The following NAV2 variants were observed in gnomAD, a reference collection of about 807,000 sequenced individuals.
NAV2 encodes the protein helicase, APC down-regulated 1.
A neutral mutation model predicts 223.2 loss-of-function variants in NAV2; 54 were observed. That is an observed-to-expected ratio of 0.24 (90% CI 0.19 to 0.30). The LOEUF (loss-of-function observed/expected upper bound fraction) is 0.30. Among genes scored for constraint, NAV2 ranks in the 10% least tolerant of loss-of-function variants. The pLI is 1.00. For synonymous variants in NAV2, 1,279 were observed against 1,239.3 expected (o/e 1.03, Z -0.67); for missense variants, 2,806 against 3,147.5 (o/e 0.89, Z 2.60).
intron 1 of NAV2, among the ~76,000 whole-genome samples, chr11:19,428,828 G>A (rs1048927867): frequency 4.6e-5 from 7 of 152,192 alleles, no homozygotes; most frequent in African/African-American, 1.7e-4. Context: ...AGCTGATTGT[G>A]GGAAACTTCT....
intron 1 of NAV2, among the ~76,000 whole-genome samples, chr11:19,484,156 A>ACACC (rs2042368464): frequency 6.6e-6 from 1 of 151,344 alleles, no homozygotes; most frequent in Non-Finnish European, 1.5e-5. Context: ...ACACACACAC[A>ACACC]CACCCCAAGT....
At chr11:19,633,250 C>T (rs925980409) in intron 1 of NAV2, among the ~76,000 whole-genome samples, 2 of 152,194 alleles carry the variant, frequency 1.3e-5, no homozygotes, top group Non-Finnish European at 2.9e-5. Context: ...GGGGCCTCTT[C>T]TTGGCTGCCA....
At chr11:19,759,349 C>T (rs1234428358) in intron 1 of NAV2, among the ~76,000 whole-genome samples, 1 of 152,088 alleles carries the variant, frequency 6.6e-6, no homozygotes, top group Non-Finnish European at 1.5e-5. Context: ...TCCCAAAGTG[C>T]TGGGATTACA....
intron 1 of NAV2, among the ~76,000 whole-genome samples, chr11:19,371,439 G>C (rs1389299006): frequency 6.6e-6 from 1 of 152,092 alleles, no homozygotes; most frequent in Non-Finnish European, 1.5e-5. Flanking sequence ...CAACTTGCCC[G>C]AGACCCTTCA....
intron 1 of NAV2, among the ~76,000 whole-genome samples, chr11:19,421,376 C>G (rs1850606357): frequency 6.6e-6 from 1 of 152,134 alleles, no homozygotes; most frequent in Non-Finnish European, 1.5e-5. Flanking sequence ...TCACATGTGT[C>G]CATGCTGGGG....
In NAV2 at chr11:20,105,504, T is replaced by A. The variant is rs767394457; in HGVS notation, c.6645-27T>A. On this transcript the variant is annotated intron_variant, in intron 34 of 37. Coordinates refer to ENST00000349880, the MANE Select transcript of NAV2 (RefSeq NM_145117.5). Reference sequence around the variant, plus strand: ...CATCATTTGGATCACCATCATCAGCTTGAAAAGTGTTTCTGACTTCCTCCA... The same window carrying A: ...CATCATTTGGATCACCATCATCAGCATGAAAAGTGTTTCTGACTTCCTCCA... The A allele has an allele frequency of 3.1e-6, 5 of 1,595,190 alleles. No individual in the cohort carries two copies. The East Asian group carries it at 1.1e-4, about 36-fold the overall frequency.
At chr11:19,959,481 C>T (rs2153401398) in intron 10 of NAV2, among the ~76,000 whole-genome samples, 1 of 152,288 alleles carries the variant, frequency 6.6e-6, no homozygotes, top group East Asian at 1.9e-4. Context: ...GCCCACTGTG[C>T]TCATCTGCAA....
At chr11:19,954,675 A>G (rs530316202) in intron 10 of NAV2, among the ~76,000 whole-genome samples, 53 of 152,196 alleles carry the variant, frequency 3.5e-4, no homozygotes, top group African/African-American at 1.1e-3. Context: ...CATCATTTGC[A>G]TGTATAATAC....
intron 1 of NAV2, chr11:19,504,140 A>C (rs951902466): frequency 3.9e-5 from 6 of 152,246 alleles, no homozygotes; most frequent in African/African-American, 1.2e-4. Context: ...TATAATGGCC[A>C]AAATCCAGAA....
chr11:19,521,299 C>G (rs1340085138), intron 1 of NAV2, among the ~76,000 whole-genome samples: 1 of 152,142 alleles, frequency 6.6e-6, no homozygotes, highest in Non-Finnish European at 1.5e-5. Flanking sequence ...CAGGCTTCCT[C>G]TTGGAGACCA....
intron 19 of NAV2, among the ~76,000 whole-genome samples, chr11:20,058,215 C>T (rs1397880004): frequency 1.3e-5 from 2 of 152,162 alleles, no homozygotes; most frequent in Non-Finnish European, 2.9e-5. Context: ...CCAAACAGAA[C>T]CTCCTTGTAA....
At chr11:19,885,647 G>A (rs1375796945) in intron 5 of NAV2, among the ~76,000 whole-genome samples, 1 of 152,116 alleles carries the variant, frequency 6.6e-6, no homozygotes, top group Non-Finnish European at 1.5e-5. Flanking sequence ...ATTTGCAAGT[G>A]CATCATTTTA....
chr11:19,947,527 G>A lies in NAV2; in HGVS notation c.2255+1018G>A, dbSNP rs369403057. On this transcript the variant is annotated intron_variant, in intron 9 of 37. Transcript: ENST00000349880. ...CGTCACTGACACTGACTTAATGTTG[G>A]CATAGCAGTTTGACGGTGGGATGGT... Among the ~76,000 whole-genome samples, 46 of 152,308 alleles carry A rather than the reference G, an allele frequency of 3.0e-4. 2 individuals carry two copies. The South Asian group carries it at 8.7e-3, about 29-fold the overall frequency.
At chr11:19,471,800 C>T (rs1281550313) in intron 1 of NAV2, among the ~76,000 whole-genome samples, 4 of 152,174 alleles carry the variant, frequency 2.6e-5, no homozygotes, top group Non-Finnish European at 4.4e-5. Context: ...CCTCCCCTGG[C>T]ACCCGCGTGG....
chr11:19,657,984 A>G (rs2048174863), intron 1 of NAV2, among the ~76,000 whole-genome samples: 1 of 152,226 alleles, frequency 6.6e-6, no homozygotes, highest in South Asian at 2.1e-4. Flanking sequence ...ATCAGGTATT[A>G]TTAACAATAA....
At chr11:19,569,396 C>T (rs567943598) in intron 1 of NAV2, among the ~76,000 whole-genome samples, 32 of 152,320 alleles carry the variant, frequency 2.1e-4, no homozygotes, top group African/African-American at 7.2e-4. Context: ...TGAGGGCAAA[C>T]GACCTTGTCT....
intron 22 of NAV2, among the ~76,000 whole-genome samples, chr11:20,071,072 A>G (rs548957043): frequency 6.6e-6 from 1 of 151,944 alleles, no homozygotes; most frequent in East Asian, 1.9e-4. Context: ...CGTCATCTAC[A>G]TTAGGCATTT....
intron 2 of NAV2, among the ~76,000 whole-genome samples, chr11:19,835,692 T>C (rs918295875): frequency 6.6e-6 from 1 of 152,048 alleles, no homozygotes; most frequent in South Asian, 2.1e-4. Flanking sequence ...TATGTATGTA[T>C]ATATAGATAT....
chr11:20,002,503 T>G (rs1246981044), intron 11 of NAV2, among the ~76,000 whole-genome samples: 1 of 152,130 alleles, frequency 6.6e-6, no homozygotes, highest in Non-Finnish European at 1.5e-5. Flanking sequence ...GAAGGAAGGC[T>G]TCCTGGAGGT....
Sources: allele counts gnomAD v4.1 joint callset (sites outside exome capture counted in the v4.1 genomes callset), GRCh38; gene constraint gnomAD v4.1.1; transcripts MANE v1.5; gene names NCBI Gene and HGNC (gene_info 2026-07-23, HGNC 2026-07-21).